The following KCND2 variants were observed in gnomAD, a reference collection of about 807,000 sequenced individuals.
KCND2 encodes the protein potassium voltage-gated channel subfamily D member 2.
In KCND2, 16 loss-of-function variants were observed where a neutral mutation model predicts 54.4. The observed-to-expected ratio is 0.29, with a 90% confidence interval of 0.20 to 0.45. The LOEUF (loss-of-function observed/expected upper bound fraction) is 0.45, where lower values mean the gene tolerates loss of function less well. Among genes scored for constraint, KCND2 ranks in the 20% least tolerant of loss-of-function variants. KCND2 has a pLI of 1.00. For missense variants in KCND2, 486 were observed against 824.2 expected, an observed-to-expected ratio of 0.59 and a Z score of 5.02; for synonymous variants, 317 against 310.7, an observed-to-expected ratio of 1.02 and a Z score of -0.21.
At chr7:120,603,636 C>T (rs1380151381) in intron 1 of KCND2, among the ~76,000 whole-genome samples, 1 of 152,196 alleles carries the variant, frequency 6.6e-6, no homozygotes, top group East Asian at 1.9e-4. Context: ...ACTTATTAAG[C>T]ATTTCTGGCT....
At chr7:120,569,211 G>A (rs919012119) in intron 1 of KCND2, among the ~76,000 whole-genome samples, 1 of 151,842 alleles carries the variant, frequency 6.6e-6, no homozygotes, top group Non-Finnish European at 1.5e-5. Context: ...CATCTTCCTC[G>A]GCACAGTGTA....
intron 1 of KCND2, among the ~76,000 whole-genome samples, chr7:120,566,325 T>C (rs954334960): frequency 6.6e-6 from 1 of 152,120 alleles, no homozygotes; most frequent in African/African-American, 2.4e-5. Context: ...TTTGTGTGTG[T>C]GCGCATGGAT....
At chr7:120,327,463 G>A (rs534053064) in intron 1 of KCND2, among the ~76,000 whole-genome samples, 76 of 152,166 alleles carry the variant, frequency 5.0e-4, no homozygotes, top group Middle Eastern at 6.8e-3. Flanking sequence ...TATATGAAGA[G>A]TGATTCTTCC....
intron 1 of KCND2, among the ~76,000 whole-genome samples, chr7:120,493,800 C>T (rs902973032): frequency 5.3e-5 from 8 of 152,214 alleles, no homozygotes; most frequent in Admixed American, 1.3e-4. Flanking sequence ...TTTTGAAACT[C>T]TTGCACATTT....
At chr7:120,377,585 G>T (rs922919403) in intron 1 of KCND2, among the ~76,000 whole-genome samples, 2 of 151,610 alleles carry the variant, frequency 1.3e-5, no homozygotes, top group African/African-American at 4.8e-5. Flanking sequence ...AGTATATAGT[G>T]TTAAGGTAAC....
chr7:120,665,259 AG>A (rs1231039775), intron 1 of KCND2, among the ~76,000 whole-genome samples: 1 of 151,980 alleles, frequency 6.6e-6, no homozygotes, highest in Non-Finnish European at 1.5e-5. Flanking sequence ...TTTGTTTAAG[AG>A]TTGGGTGATT....
intron 1 of KCND2, among the ~76,000 whole-genome samples, chr7:120,297,770 C>G (rs1357603170): frequency 6.6e-6 from 1 of 152,134 alleles, no homozygotes; most frequent in African/African-American, 2.4e-5. Context: ...CTCTTGTGCT[C>G]TAATTGAAAT....
intron 1 of KCND2, among the ~76,000 whole-genome samples, chr7:120,293,389 G>C (rs547464960): frequency 6.6e-6 from 1 of 151,964 alleles, no homozygotes; most frequent in Non-Finnish European, 1.5e-5. Context: ...AGAAGAGAAG[G>C]AAGACTCTAT....
intron 1 of KCND2, among the ~76,000 whole-genome samples, chr7:120,437,322 C>G (rs888519007): frequency 6.6e-6 from 1 of 151,338 alleles, no homozygotes; most frequent in Non-Finnish European, 1.5e-5. Flanking sequence ...CCTGCCTCAG[C>G]CTCCGGAGTA....
At chr7:120,402,889 A>G (rs774191470) in intron 1 of KCND2, among the ~76,000 whole-genome samples, 8 of 152,336 alleles carry the variant, frequency 5.3e-5, no homozygotes, top group South Asian at 4.1e-4. Context: ...TCCTTATATT[A>G]TTACTGTTGA....
intron 1 of KCND2, among the ~76,000 whole-genome samples, chr7:120,542,433 A>G (rs752177375): frequency 3.9e-5 from 6 of 152,188 alleles, no homozygotes; most frequent in Non-Finnish European, 8.8e-5. Context: ...CTCCAAGTGT[A>G]TAAGTTTTCA....
At position 120,463,922 on chromosome 7, in the gene KCND2, G is replaced by T. The variant is rs190423052; in HGVS notation, c.1115+188175G>T. 61 of 254,974 alleles carry T rather than the reference G, an allele frequency of 2.4e-4. 1 individual carries two copies. The South Asian group carries it at 7.9e-3, about 33-fold the overall frequency. 15.8% of individuals were successfully genotyped at this position (254,974 alleles called of 1,614,324 possible). ...TGATTGATAGATAGATAGATAGATA[G>T]ATAGATAGATAGATAGATAGATCGA... On this transcript the variant is annotated intron_variant, in intron 1 of 5. Transcript: ENST00000331113.
intron 1 of KCND2, among the ~76,000 whole-genome samples, chr7:120,521,715 CTA>C (rs1204003326): frequency 1.3e-5 from 2 of 152,058 alleles, no homozygotes; most frequent in African/African-American, 2.4e-5. Context: ...ATAAATGTAA[CTA>C]TTTTTCTCTT....
chr7:120,638,058 A>G (rs1006429797), intron 1 of KCND2, among the ~76,000 whole-genome samples: 2 of 152,314 alleles, frequency 1.3e-5, no homozygotes, highest in Middle Eastern at 3.4e-3. Context: ...CTTAAATGGA[A>G]TACGAGAAAG....
rs529739531 is a variant in KCND2 at position 120,562,251 on chromosome 7, AAAT to A, written c.1116-170649_1116-170647del. On this transcript the variant is annotated intron_variant, in intron 1 of 5. Coordinates refer to ENST00000331113, the MANE Select transcript of KCND2 (RefSeq NM_012281.3). ...CCAACATTTAAGGAAATATAGCAGA[AAAT>A]AAGACAACAAAATTAACTGAGATAA... Among the ~76,000 whole-genome samples the A allele has an allele frequency of 8.4e-4, 128 of 152,338 alleles. 2 individuals carry two copies. The South Asian group carries it at 0.025, about 30-fold the overall frequency.
intron 1 of KCND2, among the ~76,000 whole-genome samples, chr7:120,662,578 G>A (rs1322762492): frequency 6.6e-6 from 1 of 152,178 alleles, no homozygotes; most frequent in Non-Finnish European, 1.5e-5. Context: ...TGTGATGTGT[G>A]AGGGGAAGCA....
chr7:120,495,866 A>G (rs573802547), intron 1 of KCND2, among the ~76,000 whole-genome samples: 1 of 152,284 alleles, frequency 6.6e-6, no homozygotes, highest in Non-Finnish European at 1.5e-5. Flanking sequence ...TGGGCTTTGA[A>G]AAAGTAAAAT....
At chr7:120,579,212 T>A (rs1422619007) in intron 1 of KCND2, among the ~76,000 whole-genome samples, 2 of 152,176 alleles carry the variant, frequency 1.3e-5, no homozygotes, top group Non-Finnish European at 2.9e-5. Flanking sequence ...TCCTTTTTTT[T>A]TCCTTTTAAG....
chr7:120,733,397 A>G (rs897176662), intron 2 of KCND2, among the ~76,000 whole-genome samples: 5 of 152,158 alleles, frequency 3.3e-5, no homozygotes, highest in Admixed American at 3.3e-4. Context: ...GGTTTGAGTC[A>G]CTTTCTTGTC....
Sources: allele counts gnomAD v4.1 joint callset (sites outside exome capture counted in the v4.1 genomes callset), GRCh38; gene constraint gnomAD v4.1.1; transcripts MANE v1.5; gene names NCBI Gene and HGNC (gene_info 2026-07-23, HGNC 2026-07-21).